PHACTR1: variants seen among roughly 807,000 people sequenced by gnomAD.
The protein encoded by PHACTR1 is RPEL repeat containing 1.
Under a neutral mutation model 69.2 loss-of-function variants are expected in PHACTR1, and 16 were observed. The ratio of observed to expected loss-of-function variants is 0.23; its 90% CI spans 0.16 to 0.35. The LOEUF is 0.35. PHACTR1 is among the 10% of genes least tolerant of loss of function. The pLI, the probability that PHACTR1 is intolerant of heterozygous loss-of-function variation, is 1.00. For synonymous variants in PHACTR1, 312 were observed against 284.5 expected (o/e 1.10, Z -0.97); for missense variants, 510 against 734.7 (o/e 0.69, Z 3.54).
Position 13,205,905 on chromosome 6 carries a change from G to C in PHACTR1, c.755G>C (p.Gly252Ala), listed in dbSNP as rs764523793. The C allele has an allele frequency of 3.0e-5, 49 of 1,613,550 alleles. No homozygotes were observed. Among genetic ancestry groups the C allele is most frequent in the Admixed American group, 2.3e-4 (14 of 59,998 alleles). Residue 252 changes from glycine to alanine, a missense_variant, in exon 8 of 15, where the codon GGG becomes GCG. Physicochemically the swap from Gly to Ala is moderately conservative, Grantham distance 60. Transcript: ENST00000332995. ...AAAGTCATGATCTGTATGCCCGTGG[G>C]GGGGCCAGACCTCTCACTGGTGTCC... ...PKKVMICMPV[G>A]GPDLSLVSYT...
chr6:13,053,409 G>T lies in PHACTR1; in HGVS notation c.295G>T (p.Val99Phe), dbSNP rs911332535. Residue 99 changes from valine (V) to phenylalanine (F), a missense_variant, in exon 5 of 15, where the codon GTC becomes TTC. Physicochemically the swap from Val to Phe is conservative, Grantham distance 50. Around this residue, in one of 2 missense-constraint regions of PHACTR1, gnomAD observed 419 missense variants for 530.9 expected, o/e 0.79. Coordinates refer to ENST00000332995, the MANE Select transcript of PHACTR1 (RefSeq NM_030948.6). ...RLAAMRSDSL[V>F]PGTHTPPIRR... The stretch of plus-strand genomic sequence containing the variant: ...GGCGGCGATGCGTTCTGACTCCCTC[G>T]TCCCAGGCACCCACACCCCACCCAT... The T allele has an allele frequency of 6.2e-7, 1 of 1,613,142 alleles. No individual in the cohort carries two copies. The highest frequency in any genetic ancestry group is 1.3e-5 in the African/African-American group (1 of 74,962).
At chr6:13,086,543 A>G (rs1009590053) in intron 5 of PHACTR1, among the ~76,000 whole-genome samples, 15 of 152,242 alleles carry the variant, frequency 9.9e-5, no homozygotes, top group African/African-American at 3.1e-4. Context: ...TTTTCTGCCA[A>G]TATGATTTTG....
intron 4 of PHACTR1, among the ~76,000 whole-genome samples, chr6:12,781,625 G>A (rs960959907): frequency 4.6e-5 from 7 of 152,204 alleles, no homozygotes; most frequent in African/African-American, 1.4e-4. Flanking sequence ...CCTAGCCACA[G>A]GGAGGGAGAT....
chr6:13,104,116 G>A (rs929785009), intron 5 of PHACTR1, among the ~76,000 whole-genome samples: 1 of 151,908 alleles, frequency 6.6e-6, no homozygotes, highest in African/African-American at 2.4e-5. Context: ...AATTTTTTTC[G>A]AAAAGAATTT....
chr6:13,009,890 A>G (rs1285135285), intron 4 of PHACTR1, among the ~76,000 whole-genome samples: 1 of 77,556 alleles, frequency 1.3e-5, no homozygotes, highest in East Asian at 4.4e-4. Context: ...CACCACCACC[A>G]CCCTCTGCCC....
intron 4 of PHACTR1, among the ~76,000 whole-genome samples, chr6:12,791,975 G>A (rs1343773086): frequency 5.9e-5 from 9 of 152,140 alleles, no homozygotes; most frequent in Non-Finnish European, 1.3e-4. Context: ...ATAAAGTAAT[G>A]GGTGATATCT....
At chr6:12,787,603 T>C (rs963910589) in intron 4 of PHACTR1, among the ~76,000 whole-genome samples, 1 of 152,170 alleles carries the variant, frequency 6.6e-6, no homozygotes, top group East Asian at 1.9e-4. Flanking sequence ...GGGGGAAAGC[T>C]CAGTGTGGCT....
At chr6:12,973,049 T>C (rs1794427282) in intron 4 of PHACTR1, among the ~76,000 whole-genome samples, 1 of 152,136 alleles carries the variant, frequency 6.6e-6, no homozygotes, top group Admixed American at 6.5e-5. Flanking sequence ...ATTACATTGG[T>C]CCCATTTGGA....
At chr6:12,965,747 G>A (rs564864778) in intron 4 of PHACTR1, among the ~76,000 whole-genome samples, 5 of 152,234 alleles carry the variant, frequency 3.3e-5, no homozygotes, top group African/African-American at 7.2e-5. Context: ...TCACGGAGAC[G>A]TCACCTTGCA....
At chr6:13,213,138 G>A (rs1245420924) in intron 8 of PHACTR1, among the ~76,000 whole-genome samples, 1 of 152,104 alleles carries the variant, frequency 6.6e-6, no homozygotes, top group African/African-American at 2.4e-5. Flanking sequence ...CTGAATGAAT[G>A]GAGAGCCTCT....
In PHACTR1 at chr6:13,232,904, A is replaced by G. The variant is rs193279776; in HGVS notation, c.1391+2711A>G. 2.9e-3 allele frequency among the ~76,000 whole-genome samples: 438 copies of G among 152,314 alleles called. 2 individuals are homozygous for G. Among genetic ancestry groups the G allele is most frequent in the African/African-American group, 9.9e-3 (410 of 41,566 alleles). Reference sequence around the variant, plus strand: ...CACTTCCCATTCCTCCAGCTCTGCTACAGTACAAGGAGAGCCCCAGGTATG... The same window carrying G: ...CACTTCCCATTCCTCCAGCTCTGCTGCAGTACAAGGAGAGCCCCAGGTATG... On this transcript the variant is annotated intron_variant, in intron 10 of 14. Transcript: ENST00000332995.
At position 12,844,359 on chromosome 6, in the gene PHACTR1, C is replaced by T. The variant is rs558133800; in HGVS notation, c.250+94569C>T. 8.5e-5 allele frequency among the ~76,000 whole-genome samples: 13 copies of T among 152,096 alleles called. No homozygotes were observed. The South Asian group carries it at 1.0e-3, about 12-fold the overall frequency. ...CTGCAATGAGCTGTGATCACACCAC[C>T]GCACTCCATCCTGAGTGACAGAGCA... On this transcript the variant is annotated intron_variant, in intron 4 of 14. Coordinates refer to ENST00000332995, the MANE Select transcript of PHACTR1 (RefSeq NM_030948.6).
chr6:13,190,056 C>T (rs1393326228), intron 7 of PHACTR1, among the ~76,000 whole-genome samples: 26 of 139,106 alleles, frequency 1.9e-4, no homozygotes, highest in African/African-American at 7.2e-4. Context: ...ACAGTTTCTA[C>T]TCCGTCGCCC....
chr6:12,796,338 C>T (rs1308897897), intron 4 of PHACTR1, among the ~76,000 whole-genome samples: 1 of 152,142 alleles, frequency 6.6e-6, no homozygotes, highest in African/African-American at 2.4e-5. Context: ...TGCTTGATGC[C>T]CCAGACTGTC....
Position 13,093,841 on chromosome 6 carries a change from A to G in PHACTR1, c.415+40312A>G, listed in dbSNP as rs529654055. On this transcript the variant is annotated intron_variant, in intron 5 of 14. Coordinates refer to ENST00000332995, the MANE Select transcript of PHACTR1 (RefSeq NM_030948.6). ...AATGCTGGACAGAATCTGATTTCGAAGAGCCAGTCTTTCACCAAGGTCAGA... is the reference window on the plus strand; with the variant it reads ...AATGCTGGACAGAATCTGATTTCGAGGAGCCAGTCTTTCACCAAGGTCAGA... 1.7e-3 allele frequency among the ~76,000 whole-genome samples: 254 copies of G among 152,296 alleles called. 1 individual carries two copies. The highest frequency in any genetic ancestry group is 5.8e-3 in the African/African-American group (239 of 41,552).
At chr6:13,095,934 A>G (rs1814164388) in intron 5 of PHACTR1, among the ~76,000 whole-genome samples, 1 of 151,996 alleles carries the variant, frequency 6.6e-6, no homozygotes, top group South Asian at 2.1e-4. Context: ...TGAAACCCAA[A>G]AGGTAGCAGG....
chr6:12,953,482 C>A (rs962549081), intron 4 of PHACTR1, among the ~76,000 whole-genome samples: 2 of 152,154 alleles, frequency 1.3e-5, no homozygotes, highest in African/African-American at 2.4e-5. Flanking sequence ...CATGCCTTAG[C>A]CTGTTTGCAA....
intron 4 of PHACTR1, among the ~76,000 whole-genome samples, chr6:12,982,023 T>C (rs1336904082): frequency 6.6e-6 from 1 of 152,176 alleles, no homozygotes; most frequent in Non-Finnish European, 1.5e-5. Context: ...GCTTACTCTC[T>C]CCCTTCCCAA....
chr6:13,082,135 C>T (rs987298812), intron 5 of PHACTR1, among the ~76,000 whole-genome samples: 9 of 152,118 alleles, frequency 5.9e-5, no homozygotes, highest in African/African-American at 1.9e-4. Flanking sequence ...TCATACACTC[C>T]ATGTTATTCT....
Sources: gnomAD v4.1 joint callset for allele counts (sites outside exome capture counted in the v4.1 genomes callset) on GRCh38, gnomAD v4.1.1 for gene constraint, gnomAD v4.1.1 regional missense constraint, MANE v1.5 for transcripts, NCBI Gene and HGNC (gene_info 2026-07-23, HGNC 2026-07-21) for gene names.